Variants in MAP2K3 observed in about 807,000 individuals in gnomAD.
The protein encoded by MAP2K3 is dual specificity mitogen-activated protein kinase kinase 3.
Under a neutral mutation model 46.4 loss-of-function variants are expected in MAP2K3, and 30 were observed. That is an observed-to-expected ratio of 0.65 (90% confidence interval 0.48 to 0.88). The LOEUF is 0.88. Ranked by LOEUF, MAP2K3 falls within the 40% of genes least tolerant of loss-of-function variation. The probability of loss-of-function intolerance (pLI) is 0.00; values close to 1 mark genes in which losing one functional copy is unlikely to be tolerated. For synonymous variants in MAP2K3, 189 were observed against 176.3 expected (o/e 1.07, Z -0.57); for missense variants, 380 against 464.5 (o/e 0.82, Z 1.67).
chr17:21,303,602 G>A (rs1976726708), intron 7 of MAP2K3, among the ~76,000 whole-genome samples: 1 of 152,308 alleles, frequency 6.6e-6, no homozygotes, highest in Non-Finnish European at 1.5e-5. Context: ...GTTCTCTTGG[G>A]CTCCTTCCCT....
intron 3 of MAP2K3, 56 bp downstream of exon 3, chr17:21,298,982 G>A: frequency 6.2e-7 from 1 of 1,612,672 alleles, no homozygotes; most frequent in South Asian, 1.1e-5. Context: ...CGAGCGGGTA[G>A]AGCTGACCCT....
chr17:21,304,261 T>A (rs1976764737), intron 7 of MAP2K3, among the ~76,000 whole-genome samples, 165 bp from the exon 8 acceptor site: 2 of 152,308 alleles, frequency 1.3e-5, no homozygotes, highest in African/African-American at 4.8e-5. Context: ...CAGCCTCAGT[T>A]CCCTGGTCTG....
At position 21,312,792 on chromosome 17, in the gene MAP2K3, A is replaced by G. The variant is rs74681693; in HGVS notation, c.914+511A>G. Among the ~76,000 whole-genome samples, 140 of 152,192 alleles carry G rather than the reference A, an allele frequency of 9.2e-4. 1 individual carries two copies. The highest frequency in any genetic ancestry group is 6.8e-3 in the Middle Eastern group (2 of 294). On this transcript the variant is annotated intron_variant, in intron 10 of 11. Coordinates refer to ENST00000342679, the MANE Select transcript of MAP2K3 (RefSeq NM_145109.3). ...TAGCCGGGCGTGGTGGCGCATGCCT[A>G]TAATCCCAGCTACTCAGGAGGCTGA...
At chr17:21,305,822 G>A (rs1426561558) in intron 9 of MAP2K3, among the ~76,000 whole-genome samples, 4 of 152,300 alleles carry the variant, frequency 2.6e-5, no homozygotes, top group Admixed American at 2.0e-4. Context: ...TGCAGGAGAC[G>A]CGTGGAAGGA....
intron 1 of MAP2K3, chr17:21,291,785 A>G: frequency 2.8e-6 from 1 of 361,008 alleles, no homozygotes; most frequent in Admixed American, 3.7e-5. Flanking sequence ...CTTAGGAGTG[A>G]GTAAACTGAG....
chr17:21,302,698 C>G (rs1480649162), intron 6 of MAP2K3, among the ~76,000 whole-genome samples: 10 of 152,306 alleles, frequency 6.6e-5, no homozygotes, highest in African/African-American at 2.4e-4. Context: ...CAACACTGGG[C>G]TTGAGCATTC....
chr17:21,310,308 C>T (rs74256027), intron 9 of MAP2K3, among the ~76,000 whole-genome samples: 1,742 of 152,224 alleles, frequency 0.011, 35 homozygotes, highest in African/African-American at 0.036. Flanking sequence ...CGCACCTGGC[C>T]AATTTCTCTA....
intron 1 of MAP2K3, among the ~76,000 whole-genome samples, chr17:21,296,367 T>C (rs1310181262): frequency 6.6e-6 from 1 of 152,310 alleles, no homozygotes; most frequent in South Asian, 2.1e-4. Flanking sequence ...AGAGGCAGGA[T>C]AGAAGTGGCC....
At chr17:21,293,998 G>A (rs774413938) in intron 1 of MAP2K3, among the ~76,000 whole-genome samples, 58 of 152,394 alleles carry the variant, frequency 3.8e-4, no homozygotes, top group Non-Finnish European at 6.6e-4. Context: ...CAGGACCTCT[G>A]ATGGCACCTG....
intron 10 of MAP2K3, among the ~76,000 whole-genome samples, chr17:21,313,119 C>A (rs1329870797): frequency 6.6e-6 from 1 of 152,148 alleles, no homozygotes; most frequent in African/African-American, 2.4e-5. Context: ...CAGTCTGACC[C>A]CTTTAATTGT....
In MAP2K3 at chr17:21,300,672, GGAGGC is replaced by G. The variant is rs763540937; in HGVS notation, c.279+15_279+19del. 8.1e-5 allele frequency: 130 copies of G among 1,603,390 alleles called. No homozygotes were observed. The highest frequency in any genetic ancestry group is 1.1e-4 in the African/African-American group (8 of 74,826). ...ATGGCCGTGAAGGTGAGCAGGGCCT[GGAGGC>G]AGCTGGGAGGGCTCCCTGGAGGAGG... is the stretch of plus-strand genomic sequence containing the variant. On this transcript the variant is annotated intron_variant, in intron 4 of 11. Coordinates refer to ENST00000342679, the MANE Select transcript of MAP2K3 (RefSeq NM_145109.3).
chr17:21,303,066 T>A, intron 6 of MAP2K3, 117 bp from the exon 7 acceptor site: 2 of 1,356,426 alleles, frequency 1.5e-6, no homozygotes, highest in Non-Finnish European at 2.1e-6. Context: ...GTGCGTAGCC[T>A]GTGCAGCGGG....
chr17:21,294,132 AT>A (rs1438275394), intron 1 of MAP2K3, among the ~76,000 whole-genome samples: 2 of 152,310 alleles, frequency 1.3e-5, no homozygotes, highest in African/African-American at 4.8e-5. Context: ...CCCCCGTGCC[AT>A]GGAGCGCATT....
In MAP2K3 at chr17:21,284,780, T is replaced by TCGC. The variant is rs889093120; in HGVS notation, c.-116_-114dup. Reference sequence around the variant, plus strand: ...GTCGCCGCCGCAGTCCTCGCCGCAGTCGCCGCCGCCGCCGCCGCCGCCGCC... The same window carrying TCGC: ...GTCGCCGCCGCAGTCCTCGCCGCAGTCGCCGCCGCCGCCGCCGCCGCCGCCGCC... On this transcript the variant is annotated 5_prime_UTR_variant, in exon 1 of 12. Transcript: ENST00000342679. 5.3e-3 allele frequency: 4,760 copies of TCGC among 902,258 alleles called. 15 individuals are homozygous for TCGC. The highest frequency in any genetic ancestry group is 0.016 in the African/African-American group (872 of 55,710). The allele number at this position is 902,258 out of a possible 1,614,324, so 55.9% of individuals were successfully genotyped here. A position where few individuals can be genotyped will look rare whatever the true frequency, so the allele number is the denominator to read the frequency against.
At chr17:21,313,374 C>A (rs4994549) in intron 10 of MAP2K3, 118 bp from the exon 11 acceptor site, 8 of 762,526 alleles carry the variant, frequency 1.0e-5, no homozygotes, top group African/African-American at 1.7e-5. Flanking sequence ...CCCTTCTTCC[C>A]TGGGTGCACG....
At position 21,300,986 on chromosome 17, in the gene MAP2K3, TCAGAGAGGTG is replaced by T; in HGVS notation, c.394_399+4del. On this transcript the variant is annotated splice_donor_variant and splice_donor_region_variant and coding_sequence_variant and intron_variant, in exon 5 of 12. Coordinates refer to ENST00000342679, the MANE Select transcript of MAP2K3 (RefSeq NM_145109.3). LOFTEE classifies it high-confidence loss of function. Reference sequence around the variant, plus strand: ...ACTGTCACCTTCTACGGGGCACTATTCAGAGAGGTGCGTCCTTGCATGATGCAGCTGGGGA... The same window carrying T: ...ACTGTCACCTTCTACGGGGCACTATTCGTCCTTGCATGATGCAGCTGGGGA... 1 of 1,614,170 alleles carries T rather than the reference TCAGAGAGGTG, an allele frequency of 6.2e-7. No homozygotes were observed. Among genetic ancestry groups the T allele is most frequent in the South Asian group, 1.1e-5 (1 of 91,082 alleles).
intron 3 of MAP2K3, among the ~76,000 whole-genome samples, chr17:21,299,896 C>A (rs1047944370): frequency 6.6e-6 from 1 of 151,544 alleles, no homozygotes; most frequent in African/African-American, 2.4e-5. Context: ...ACAGGAGAAT[C>A]GCTTGAACCC....
At chr17:21,286,021 C>T (rs1975713342) in intron 1 of MAP2K3, among the ~76,000 whole-genome samples, 1 of 152,086 alleles carries the variant, frequency 6.6e-6, no homozygotes. Flanking sequence ...TCCTGGCTTT[C>T]TGAACCTGCA....
chr17:21,285,519 C>A (rs1002667599), intron 1 of MAP2K3, among the ~76,000 whole-genome samples: 1 of 152,128 alleles, frequency 6.6e-6, no homozygotes, highest in African/African-American at 2.4e-5. Context: ...TCGGAACTCC[C>A]CGTCCTTCTC....
Sources: gnomAD v4.1 joint callset for allele counts (sites outside exome capture counted in the v4.1 genomes callset) on GRCh38, gnomAD v4.1.1 for gene constraint, MANE v1.5 for transcripts, NCBI Gene and HGNC (gene_info 2026-07-23, HGNC 2026-07-21) for gene names.